Variants in SLC45A4 observed in about 807,000 individuals in gnomAD.
SLC45A4 encodes polyamine-transporter SLC45A4.
SLC45A4 carries 32 observed loss-of-function variants against 63.7 expected under a neutral mutation model. The ratio of observed to expected loss-of-function variants is 0.50; its 90% CI spans 0.38 to 0.67. The LOEUF (loss-of-function observed/expected upper bound fraction) is 0.67. SLC45A4 is among the 30% of genes least tolerant of loss of function. The probability of loss-of-function intolerance (pLI) is 0.00; values close to 1 mark genes in which losing one functional copy is unlikely to be tolerated. For synonymous variants in SLC45A4, 535 were observed against 510.0 expected, an observed-to-expected ratio of 1.05 and a Z score of -0.66; for missense variants, 1,027 against 1,157.7, an observed-to-expected ratio of 0.89 and a Z score of 1.64.
At chr8:141,289,255 T>C (rs1830265551) in intron 1 of SLC45A4, among the ~76,000 whole-genome samples, 1 of 152,194 alleles carries the variant, frequency 6.6e-6, no homozygotes, top group Admixed American at 6.5e-5. Flanking sequence ...GGGCTGCTGC[T>C]TGGGAGACTC....
chr8:141,220,405 C>G (rs1176060625), intron 3 of SLC45A4, among the ~76,000 whole-genome samples: 1 of 152,196 alleles, frequency 6.6e-6, no homozygotes, highest in Non-Finnish European at 1.5e-5. Context: ...GAGAAAGATG[C>G]CAGTGGCCGC....
chr8:141,221,469 A>G, intron 3 of SLC45A4, 108 bp downstream of exon 3: 4 of 1,368,166 alleles, frequency 2.9e-6, no homozygotes, highest in Non-Finnish European at 4.0e-6. Flanking sequence ...AGGCCCACAG[A>G]GGGTCAGCCT....
At chr8:141,220,844 C>G (rs1826575330) in intron 3 of SLC45A4, among the ~76,000 whole-genome samples, 1 of 152,264 alleles carries the variant, frequency 6.6e-6, no homozygotes, top group South Asian at 2.1e-4. Flanking sequence ...GAGGGCTGCT[C>G]TCGAGGGACA....
rs1045426204 is a variant in SLC45A4 at position 141,254,980 on chromosome 8, G to C, written c.-400-351C>G. ...CACGTAACTATTCCAGCAGGCTGGA[G>C]GCAGCTGGCGACACCCTTTGTGGCT... On this transcript the variant is annotated intron_variant, in intron 1 of 8. Coordinates refer to ENST00000517878, the MANE Select transcript of SLC45A4 (RefSeq NM_001286646.2). This position sits in a 1 kb window ranked among gnomAD's most constrained non-coding sequence, Gnocchi z 4.5. Among the ~76,000 whole-genome samples, 3 of 152,232 alleles carry C rather than the reference G, an allele frequency of 2.0e-5. No individual in the cohort carries two copies. The highest frequency in any genetic ancestry group is 2.9e-5 in the Non-Finnish European group (2 of 68,040).
At chr8:141,296,049 T>A (rs1417510167) in intron 1 of SLC45A4, among the ~76,000 whole-genome samples, 2 of 151,838 alleles carry the variant, frequency 1.3e-5, no homozygotes, top group Non-Finnish European at 2.9e-5. Flanking sequence ...TATTTAAAAT[T>A]AGCAGGGCAC....
intron 1 of SLC45A4, among the ~76,000 whole-genome samples, chr8:141,283,682 G>GA (rs1830041118): frequency 6.6e-6 from 1 of 152,236 alleles, no homozygotes; most frequent in Non-Finnish European, 1.5e-5. Flanking sequence ...TGGGCAGCTT[G>GA]AAGGAGCAGA....
rs543250024 is a variant in SLC45A4, at chr8:141,231,281, C to T, written c.242-9516G>A. On this transcript the variant is annotated intron_variant, in intron 2 of 8. Transcript: ENST00000517878. ...TCTGGGCTGAGAGTGTGGCCCCTCG[C>T]GCCAGAGGCAGCAGGGACCCCTCAA... Among the ~76,000 whole-genome samples, 16 of 152,302 alleles carry T rather than the reference C, an allele frequency of 1.1e-4. No homozygotes were observed. The South Asian group carries it at 1.7e-3, about 16-fold the overall frequency.
rs1285477547 is a variant in SLC45A4, at chr8:141,218,618, G to C, written c.1022C>G (p.Pro341Arg). 1 of 1,613,408 alleles carries C rather than the reference G, an allele frequency of 6.2e-7. No individual in the cohort carries two copies. Among genetic ancestry groups the C allele is most frequent in the Non-Finnish European group, 8.5e-7 (1 of 1,179,926 alleles). The change falls in exon 5 of 9, where the codon CCC becomes CGC. Residue 341 changes from proline to arginine, a missense_variant. Pro to Arg is a moderately radical substitution (Grantham distance 103, BLOSUM62 -2). Coordinates refer to ENST00000517878, the MANE Select transcript of SLC45A4 (RefSeq NM_001286646.2). Reference sequence around the variant, plus strand: ...CTGGCTGGTGCTGCGGGGGGTGGCGGGGTAGGAGGCGTCGTGGAAGATGGA... The same window carrying C: ...CTGGCTGGTGCTGCGGGGGGTGGCGCGGTAGGAGGCGTCGTGGAAGATGGA... ...EPSIFHDASY[P>R]ATPRSTSQEL... is the part of the protein sequence containing the mutation.
At chr8:141,276,309 G>C (rs1829725692) in intron 1 of SLC45A4, among the ~76,000 whole-genome samples, 1 of 152,218 alleles carries the variant, frequency 6.6e-6, no homozygotes, top group African/African-American at 2.4e-5. Flanking sequence ...ATGACATTCA[G>C]GAGTGTTTTA....
intron 2 of SLC45A4, chr8:141,228,601 A>C (rs1276564162): frequency 8.9e-7 from 1 of 1,128,824 alleles, no homozygotes; most frequent in Non-Finnish European, 1.1e-6. Flanking sequence ...TCGGCTCTTT[A>C]AAACAGATGT....
chr8:141,288,161 G>C (rs766142445), intron 1 of SLC45A4, among the ~76,000 whole-genome samples: 193 of 152,268 alleles, frequency 1.3e-3, no homozygotes, highest in Non-Finnish European at 2.4e-3. Context: ...CAGCCTGGGC[G>C]ACAGGCTTGA....
chr8:141,228,285 C>A, intron 2 of SLC45A4: 1 of 1,612,246 alleles, frequency 6.2e-7, no homozygotes, highest in South Asian at 1.1e-5. Context: ...CTGTCCCTGC[C>A]GCCCTGTGCC....
At chr8:141,234,785 G>T (rs1289966632) in intron 2 of SLC45A4, among the ~76,000 whole-genome samples, 3 of 152,166 alleles carry the variant, frequency 2.0e-5, no homozygotes, top group African/African-American at 7.2e-5. Context: ...CAGGAAAGCT[G>T]GACACAGCTC....
chr8:141,306,411 C>T lies in SLC45A4; in HGVS notation c.-401+1685G>A, dbSNP rs543106590. On this transcript the variant is annotated intron_variant, in intron 1 of 8. Transcript: ENST00000517878. ...CTAGAAACACATGAGTTCTTTACTG[C>T]GCCTGAGTCTCCTCCACCCGGAACC... Among the ~76,000 whole-genome samples the T allele has an allele frequency of 8.6e-5, 13 of 151,290 alleles. No individual in the cohort carries two copies. The South Asian group carries it at 2.1e-3, about 25-fold the overall frequency.
At chr8:141,243,376 G>A (rs1828008960) in intron 2 of SLC45A4, among the ~76,000 whole-genome samples, 1 of 152,200 alleles carries the variant, frequency 6.6e-6, no homozygotes, top group Non-Finnish European at 1.5e-5. Flanking sequence ...CCACAAACTA[G>A]AAAGGCTTTT....
chr8:141,287,115 T>G (rs1830176893), intron 1 of SLC45A4, among the ~76,000 whole-genome samples: 2 of 152,076 alleles, frequency 1.3e-5, no homozygotes, highest in Admixed American at 1.3e-4. Context: ...CCCGGTTCCT[T>G]CCACTTCTAC....
intron 1 of SLC45A4, among the ~76,000 whole-genome samples, chr8:141,258,950 G>A (rs188449484): frequency 1.3e-4 from 20 of 151,868 alleles, no homozygotes; most frequent in Non-Finnish European, 2.4e-4. Flanking sequence ...GAATAGCTGA[G>A]GATTTCAAAA....
chr8:141,211,941 A>T, intron 8 of SLC45A4: 1 of 1,264,748 alleles, frequency 7.9e-7, no homozygotes, highest in Non-Finnish European at 9.9e-7. Flanking sequence ...TTTTCAATTA[A>T]AAAAAATATT....
intron 1 of SLC45A4, among the ~76,000 whole-genome samples, chr8:141,270,029 C>T (rs572602484): frequency 2.6e-4 from 39 of 152,254 alleles, no homozygotes; most frequent in Middle Eastern, 3.4e-3. Context: ...GAAGTCTCCT[C>T]CCGCCTCCTC....
Sources: allele counts gnomAD v4.1 joint callset (sites outside exome capture counted in the v4.1 genomes callset), GRCh38; gene constraint gnomAD v4.1.1; non-coding constraint Gnocchi (gnomAD v3.1); transcripts MANE v1.5; gene names NCBI Gene and HGNC (gene_info 2026-07-23, HGNC 2026-07-21).